ADSS2: variants seen among roughly 807,000 people sequenced by gnomAD.
The protein encoded by ADSS2 is adenylosuccinate synthase 2, also known as adenylosuccinate synthetase isozyme 2.
ADSS2 carries 30 observed loss-of-function variants against 60.0 expected under a neutral mutation model. The observed-to-expected ratio is 0.50, with a 90% confidence interval of 0.37 to 0.68. The LOEUF is 0.68. Ranked by LOEUF, ADSS2 falls within the 30% of genes least tolerant of loss-of-function variation. ADSS2 has a pLI of 0.00. For missense variants in ADSS2, 373 were observed against 554.8 expected (o/e 0.67, Z 3.29); for synonymous variants, 187 against 193.1 (o/e 0.97, Z 0.26).
chr1:244,418,568 G>A (rs1321936725), intron 9 of ADSS2, among the ~76,000 whole-genome samples, 192 bp downstream of exon 9: 1 of 152,166 alleles, frequency 6.6e-6, no homozygotes, highest in Non-Finnish European at 1.5e-5. Context: ...TGATCTGCCT[G>A]CCTCTGCCTC....
intron 9 of ADSS2, 98 bp from the exon 10 acceptor site, chr1:244,417,850 T>C: frequency 8.6e-7 from 1 of 1,164,226 alleles, no homozygotes; most frequent in South Asian, 1.7e-5. Flanking sequence ...CTCTTTGAGA[T>C]AAACATCTTT....
intron 11 of ADSS2, among the ~76,000 whole-genome samples, chr1:244,412,156 A>C (rs1664431422): frequency 6.6e-6 from 1 of 152,098 alleles, no homozygotes. Context: ...ACTTAACCTT[A>C]ATTTGGGACA....
chr1:244,432,643 T>C (rs1188716094), intron 3 of ADSS2, 48 bp from the exon 4 acceptor site: 1 of 1,133,400 alleles, frequency 8.8e-7, no homozygotes, highest in Non-Finnish European at 1.3e-6. Flanking sequence ...TGTATAGCAG[T>C]TTTAAAATCT....
chr1:244,429,537 A>C (rs1453991441), intron 4 of ADSS2, among the ~76,000 whole-genome samples: 1 of 152,182 alleles, frequency 6.6e-6, no homozygotes, highest in Non-Finnish European at 1.5e-5. Context: ...CCAATTAGTT[A>C]TTTGATTTTT....
intron 4 of ADSS2, among the ~76,000 whole-genome samples, chr1:244,431,478 T>C (rs529032157): frequency 6.6e-6 from 1 of 152,264 alleles, no homozygotes; most frequent in South Asian, 2.1e-4. Flanking sequence ...AGGTGAAATA[T>C]AAACTACTCA....
At chr1:244,435,436 T>C (rs1665072077) in intron 3 of ADSS2, among the ~76,000 whole-genome samples, 1 of 152,200 alleles carries the variant, frequency 6.6e-6, no homozygotes, top group African/African-American at 2.4e-5. Flanking sequence ...TTATGTTTCA[T>C]ATACACCTTA....
rs759789521 is a variant in ADSS2 at position 244,422,875 on chromosome 1, G to A, written c.623C>T (p.Thr208Ile). 1 of 1,600,106 alleles carries A rather than the reference G, an allele frequency of 6.2e-7. No individual in the cohort carries two copies. The highest frequency in any genetic ancestry group is 8.6e-7 in the Non-Finnish European group (1 of 1,167,810). ...LANQYKSIYP[T>I]LEIDIEGELQ... ...TTCACCTTCAATGTCTATTTCCAAA[G>A]TGGGGTATATAGATTTGTATTGGTT... The change falls in exon 7 of 13, where the codon ACT (threonine) becomes ATT (isoleucine). Residue 208 changes from threonine (T) to isoleucine (I), a missense_variant. Coordinates refer to ENST00000366535, the MANE Select transcript of ADSS2 (RefSeq NM_001126.5).
intron 4 of ADSS2, among the ~76,000 whole-genome samples, chr1:244,428,245 T>G (rs1664852541): frequency 6.6e-6 from 1 of 152,138 alleles, no homozygotes; most frequent in Non-Finnish European, 1.5e-5. Context: ...CAACAAAGAT[T>G]AGGATCATAC....
intron 1 of ADSS2, among the ~76,000 whole-genome samples, chr1:244,444,475 A>C (rs1213176365): frequency 7.7e-6 from 1 of 130,008 alleles, no homozygotes; most frequent in Admixed American, 8.7e-5. Context: ...AGATCCCGCC[A>C]CTGCACTCCA....
chr1:244,422,783 A>C, intron 7 of ADSS2, 52 bp downstream of exon 7: 9 of 1,387,732 alleles, frequency 6.5e-6, no homozygotes, highest in Non-Finnish European at 9.1e-6. Context: ...TCTAGATGCC[A>C]ATTTGGCAAA....
intron 6 of ADSS2, among the ~76,000 whole-genome samples, chr1:244,423,240 T>C (rs976870510): frequency 6.6e-6 from 1 of 152,184 alleles, no homozygotes; most frequent in African/African-American, 2.4e-5. Context: ...TATTATACTG[T>C]ACAACAACAA....
chr1:244,421,375 C>T (rs1010876417), intron 7 of ADSS2, among the ~76,000 whole-genome samples: 2 of 152,072 alleles, frequency 1.3e-5, no homozygotes, highest in African/African-American at 4.8e-5. Flanking sequence ...ACTCATGAAC[C>T]CACCTGAGTG....
intron 11 of ADSS2, among the ~76,000 whole-genome samples, chr1:244,413,044 A>T (rs1664449060): frequency 6.6e-6 from 1 of 152,156 alleles, no homozygotes; most frequent in East Asian, 1.9e-4. Context: ...AAGGAAAGGG[A>T]CTGTATTCTA....
intron 1 of ADSS2, among the ~76,000 whole-genome samples, chr1:244,440,753 A>C (rs373114564): frequency 6.6e-6 from 1 of 152,162 alleles, no homozygotes; most frequent in African/African-American, 2.4e-5. Flanking sequence ...TTACATATAC[A>C]ATGGTAGCAA....
At chr1:244,413,229 C>T (rs562706252) in intron 11 of ADSS2, among the ~76,000 whole-genome samples, 17 of 152,266 alleles carry the variant, frequency 1.1e-4, no homozygotes, top group Admixed American at 2.0e-4. Context: ...ATGATGAAAA[C>T]ATACTGCTAG....
At position 244,451,907 on chromosome 1, in the gene ADSS2, G is replaced by A. The variant is rs540116614; in HGVS notation, c.-90C>T. 4.2e-5 allele frequency: 56 copies of A among 1,320,328 alleles called. No homozygotes were observed. In the East Asian group the frequency reaches 1.5e-3, roughly 35 times the overall value. The allele number at this position is 1,320,328 out of a possible 1,614,324, so 81.8% of individuals were successfully genotyped here. A position where few individuals can be genotyped will look rare whatever the true frequency, so the allele number is the denominator to read the frequency against. Reference sequence around the variant, plus strand: ...GCTCTGCGGCCGCCAGCCACATGCAGAGGAAGAAGGAGCCAGAGGCCGGCC... The same window carrying A: ...GCTCTGCGGCCGCCAGCCACATGCAAAGGAAGAAGGAGCCAGAGGCCGGCC... On this transcript the variant is annotated 5_prime_UTR_variant, in exon 1 of 13. Coordinates refer to ENST00000366535, the MANE Select transcript of ADSS2 (RefSeq NM_001126.5). The surrounding 1 kb of genome is among the most constrained non-coding windows in gnomAD (Gnocchi z 6.6).
In ADSS2 at chr1:244,420,278, T is replaced by G; in HGVS notation, c.682A>C (p.Lys228Gln). The change falls in exon 8 of 13, where the codon AAA (lysine) becomes CAA (glutamine). Residue 228 changes from lysine to glutamine, a missense_variant. Lys to Gln is a moderately conservative substitution (Grantham distance 53, BLOSUM62 1). Coordinates refer to ENST00000366535, the MANE Select transcript of ADSS2 (RefSeq NM_001126.5). ...TAAACTCCATCTCTCACCATTGGTT[T>G]AATCTTTTCCATATAACCCTATACA... Reference protein sequence around the residue: ...QKLKGYMEKIKPMVRDGVYFL... With the variant: ...QKLKGYMEKIQPMVRDGVYFL... 2 of 1,613,036 alleles carry G rather than the reference T, an allele frequency of 1.2e-6. No homozygotes were observed. The highest frequency in any genetic ancestry group is 8.5e-7 in the Non-Finnish European group (1 of 1,179,478).
chr1:244,419,122 C>T (rs1166824386), intron 8 of ADSS2: 1 of 469,618 alleles, frequency 2.1e-6, no homozygotes, highest in Non-Finnish European at 3.7e-6. Context: ...AACGCAAGTG[C>T]TTATACAGAG....
chr1:244,414,411 T>C lies in ADSS2; in HGVS notation c.1168+1570A>G, dbSNP rs150006073. ...GAGAGCTAAATGGAAATTCTAGAAA[T>C]AAAAATTCACCAGTGGGTTTAAAAG... On this transcript the variant is annotated intron_variant, in intron 11 of 12. Transcript: ENST00000366535. 4.5e-3 allele frequency among the ~76,000 whole-genome samples: 691 copies of C among 152,226 alleles called. 8 individuals carry two copies. The highest frequency in any genetic ancestry group is 0.015 in the African/African-American group (632 of 41,538).
Sources: allele counts gnomAD v4.1 joint callset (sites outside exome capture counted in the v4.1 genomes callset), GRCh38; gene constraint gnomAD v4.1.1; non-coding constraint Gnocchi (gnomAD v3.1); transcripts MANE v1.5; gene names NCBI Gene and HGNC (gene_info 2026-07-23, HGNC 2026-07-21).